DOP1B: variants seen among roughly 807,000 people sequenced by gnomAD.
DOP1B encodes protein DOP1B.
DOP1B carries 174 observed loss-of-function variants against 233.5 expected under a neutral mutation model. That is an observed-to-expected ratio of 0.75 (90% CI 0.66 to 0.85). The LOEUF is 0.85. DOP1B is among the 40% of genes least tolerant of loss of function. The pLI is 0.00. For missense variants in DOP1B, 2,652 were observed against 2,846.6 expected (o/e 0.93, Z 1.56); for synonymous variants, 1,190 against 1,185.6 (o/e 1.00, Z -0.08).
chr21:36,291,748 G>A (rs1397925268), intron 35 of DOP1B, among the ~76,000 whole-genome samples: 1 of 152,138 alleles, frequency 6.6e-6, no homozygotes, highest in East Asian at 1.9e-4. Flanking sequence ...GAATCTGGAT[G>A]AACCGGAAAA....
intron 2 of DOP1B, among the ~76,000 whole-genome samples, chr21:36,178,897 C>T (rs1021149781): frequency 1.3e-5 from 2 of 152,170 alleles, no homozygotes; most frequent in African/African-American, 4.8e-5. Context: ...AAACCATCAC[C>T]ACAATCAAGA....
chr21:36,170,758 C>T lies in DOP1B; in HGVS notation c.138+5887C>T, dbSNP rs530718851. Among the ~76,000 whole-genome samples the T allele has an allele frequency of 5.3e-5, 8 of 151,122 alleles. No individual in the cohort carries two copies. The South Asian group carries it at 8.3e-4, about 16-fold the overall frequency. ...TGCAGTGAGCATGATCATGCCACTA[C>T]GCTGCAGCACGTAGTGCTGAGTGAC... is the stretch of plus-strand genomic sequence containing the variant. On this transcript the variant is annotated intron_variant, in intron 2 of 36. Coordinates refer to ENST00000691173, the MANE Select transcript of DOP1B (RefSeq NM_001320714.2).
At chr21:36,256,603 A>T (rs1188382074) in intron 23 of DOP1B, among the ~76,000 whole-genome samples, 1 of 152,230 alleles carries the variant, frequency 6.6e-6, no homozygotes, top group African/African-American at 2.4e-5. Flanking sequence ...ACAAAGTGAG[A>T]TCTGTGCGTG....
Position 36,184,530 on chromosome 21 carries a change from G to A in DOP1B, c.139-14540G>A, listed in dbSNP as rs12483607. 9.1e-3 allele frequency among the ~76,000 whole-genome samples: 1,388 copies of A among 152,290 alleles called. 18 individuals carry two copies. The highest frequency in any genetic ancestry group is 0.03 in the African/African-American group (1,250 of 41,550). ...CCTTCCCACCCAGCTGCCGAGAGAT[G>A]GTTCTTTCACAGGTCTCCTGCTTCC... On this transcript the variant is annotated intron_variant, in intron 2 of 36. Transcript: ENST00000691173.
chr21:36,272,567 A>G (rs1011571022), intron 27 of DOP1B, among the ~76,000 whole-genome samples: 5 of 151,524 alleles, frequency 3.3e-5, no homozygotes, highest in Non-Finnish European at 7.4e-5. Flanking sequence ...GAATGACTTG[A>G]ACCCGGAAGG....
chr21:36,169,802 T>C (rs997734800), intron 2 of DOP1B: 2 of 1,229,536 alleles, frequency 1.6e-6, no homozygotes, highest in Non-Finnish European at 2.4e-6. Flanking sequence ...AAGGCCTTCT[T>C]CCTAGATTTA....
chr21:36,189,991 C>G, intron 2 of DOP1B, among the ~76,000 whole-genome samples: 1 of 124,020 alleles, frequency 8.1e-6, no homozygotes, highest in African/African-American at 3.3e-5. Context: ...ACCTGGGTGA[C>G]AGAGCGATAC....
At chr21:36,224,708 A>G (rs1286748846) in intron 11 of DOP1B, among the ~76,000 whole-genome samples, 2 of 147,700 alleles carry the variant, frequency 1.4e-5, no homozygotes, top group African/African-American at 5.0e-5. Flanking sequence ...TTTTTAACTT[A>G]CCCATTTATC....
intron 2 of DOP1B, chr21:36,168,984 C>T (rs556513292): frequency 1.5e-4 from 111 of 738,140 alleles, no homozygotes; most frequent in Middle Eastern, 3.9e-4. Flanking sequence ...GCTCCTTCTT[C>T]CTTTGCAATT....
In DOP1B at chr21:36,286,417, G is replaced by T. The variant is rs965800856; in HGVS notation, c.6161-1597G>T. On this transcript the variant is annotated intron_variant, in intron 32 of 36. Transcript: ENST00000691173. The stretch of plus-strand genomic sequence containing the variant: ...TGAGAAGCCAAGGAGGGCAGATCAC[G>T]TGAGGTCAGGAGTTCAAGACCAGCA... Among the ~76,000 whole-genome samples, 43 of 151,100 alleles carry T rather than the reference G, an allele frequency of 2.8e-4. 2 individuals carry two copies. The highest frequency in any genetic ancestry group is 2.4e-5 in the African/African-American group (1 of 41,074).
chr21:36,221,319 C>G (rs2066619746), intron 10 of DOP1B, among the ~76,000 whole-genome samples: 1 of 151,698 alleles, frequency 6.6e-6, no homozygotes, highest in Non-Finnish European at 1.5e-5. Context: ...ATGACAAAAC[C>G]TGGTCTCTAC....
intron 32 of DOP1B, among the ~76,000 whole-genome samples, chr21:36,282,730 C>G (rs1402227227): frequency 6.6e-6 from 1 of 152,104 alleles, no homozygotes; most frequent in Non-Finnish European, 1.5e-5. Flanking sequence ...AATCCCAGCA[C>G]TTTCAGAGGC....
rs2066854508 is a variant in DOP1B, at chr21:36,238,626, G to C, written c.2801G>C (p.Arg934Thr). The change falls in exon 17 of 37, where the codon AGA becomes ACA. Residue 934 changes from arginine to threonine, a missense_variant. By Grantham distance (71) the Arg-to-Thr change is moderately conservative. Around this residue, in one of 3 missense-constraint regions of DOP1B, gnomAD observed 2,617 missense variants for 2,794.3 expected, o/e 0.94. Transcript: ENST00000691173. ...GGAACAAGGCTGGAAGCTCTGTTTA[G>C]ATTTTCCGTGATCTGGCATCTGACA... ...DKGTRLEALF[R>T]FSVIWHLTRE... is the part of the protein sequence containing the mutation. 1 of 1,614,102 alleles carries C rather than the reference G, an allele frequency of 6.2e-7. No individual in the cohort carries two copies. Among genetic ancestry groups the C allele is most frequent in the South Asian group, 1.1e-5 (1 of 91,094 alleles).
In DOP1B at chr21:36,176,097, C is replaced by CGTGTGTGTGTGTGTGTGTGTGTGTGTGT. The variant is rs1555886143; in HGVS notation, c.138+11251_138+11252insTGTGTGTGTGTGTGTGTGTGTGTGTGTG. ...GAGCTTCGACTTTGGGGTGTGTGTG[C>CGTGTGTGTGTGTGTGTGTGTGTGTGTGT]GTGTGTGTGTGTGTGTGTGTGTGTG... On this transcript the variant is annotated intron_variant, in intron 2 of 36. Transcript: ENST00000691173. Among the ~76,000 whole-genome samples the CGTGTGTGTGTGTGTGTGTGTGTGTGTGT allele has an allele frequency of 4.6e-3, 646 of 141,832 alleles. 8 individuals carry two copies. The highest frequency in any genetic ancestry group is 0.025 in the Middle Eastern group (7 of 282). The allele number at this position is 141,832 out of a possible 152,430, so 93.0% of individuals were successfully genotyped here.
intron 2 of DOP1B, among the ~76,000 whole-genome samples, chr21:36,191,640 G>A (rs754320531): frequency 6.6e-6 from 1 of 152,118 alleles, no homozygotes; most frequent in Non-Finnish European, 1.5e-5. Flanking sequence ...ACAAAAATTA[G>A]CCGGGCATGG....
At chr21:36,222,281 AG>A (rs891279494) in intron 10 of DOP1B, among the ~76,000 whole-genome samples, 1 of 152,060 alleles carries the variant, frequency 6.6e-6, no homozygotes, top group Non-Finnish European at 1.5e-5. Context: ...CCTGAGCCAT[AG>A]AAGATAAAAT....
At chr21:36,181,364 C>T (rs964685507) in intron 2 of DOP1B, among the ~76,000 whole-genome samples, 7 of 152,052 alleles carry the variant, frequency 4.6e-5, no homozygotes, top group Admixed American at 3.9e-4. Flanking sequence ...CTGCAACCTC[C>T]GTCTCCCAGG....
chr21:36,293,255 G>A, intron 36 of DOP1B, 65 bp from the exon 37 acceptor site: 1 of 1,548,894 alleles, frequency 6.5e-7, no homozygotes, highest in Non-Finnish European at 8.7e-7. Flanking sequence ...ACATGCATGT[G>A]CTTCCCAGCC....
At chr21:36,184,276 C>T (rs1326188168) in intron 2 of DOP1B, among the ~76,000 whole-genome samples, 3 of 152,128 alleles carry the variant, frequency 2.0e-5, no homozygotes, top group Non-Finnish European at 2.9e-5. Context: ...CTCAAACTCC[C>T]GACCTCAGGT....
Sources: allele counts gnomAD v4.1 joint callset (sites outside exome capture counted in the v4.1 genomes callset), GRCh38; gene constraint gnomAD v4.1.1; regional missense constraint gnomAD v4.1.1; transcripts MANE v1.5; gene names NCBI Gene and HGNC (gene_info 2026-07-23, HGNC 2026-07-21).